Variants in ADGRL3 observed in about 807,000 individuals in gnomAD.
The protein encoded by ADGRL3 is calcium-independent alpha-latrotoxin receptor 3.
In ADGRL3, 62 loss-of-function variants were observed where a neutral mutation model predicts 153.5. The ratio of observed to expected loss-of-function variants is 0.40; its 90% CI spans 0.33 to 0.50. The LOEUF (loss-of-function observed/expected upper bound fraction) is 0.50, where lower values mean the gene tolerates loss of function less well. Among genes scored for constraint, ADGRL3 ranks in the 20% least tolerant of loss-of-function variants. ADGRL3 has a pLI of 0.47. For missense variants in ADGRL3, 1,641 were observed against 1,859.4 expected, an observed-to-expected ratio of 0.88 and a Z score of 2.16; for synonymous variants, 710 against 672.5, an observed-to-expected ratio of 1.06 and a Z score of -0.86.
Position 61,922,693 on chromosome 4 carries a change from G to A in ADGRL3, c.2112+9936G>A, listed in dbSNP as rs114950555. 5.5e-3 allele frequency among the ~76,000 whole-genome samples: 843 copies of A among 152,200 alleles called. 5 individuals are homozygous for A. Among genetic ancestry groups the A allele is most frequent in the African/African-American group, 0.017 (722 of 41,522 alleles). ...TAAACACATATACTTTAAGAAAAGC[G>A]TAGATTTATTCATTCATTCAATCAG... is the stretch of plus-strand genomic sequence containing the variant. On this transcript the variant is annotated intron_variant, in intron 13 of 26. Coordinates refer to ENST00000683033, the MANE Select transcript of ADGRL3 (RefSeq NM_001387552.1).
At chr4:61,411,414 A>G (rs1009589523) in intron 2 of ADGRL3, among the ~76,000 whole-genome samples, 13 of 152,192 alleles carry the variant, frequency 8.5e-5, no homozygotes, top group Non-Finnish European at 1.6e-4. Flanking sequence ...AGTGCATCAT[A>G]TCAGGAGGCA....
intron 1 of ADGRL3, among the ~76,000 whole-genome samples, chr4:61,210,420 G>T (rs980857058): frequency 1.3e-5 from 2 of 152,082 alleles, no homozygotes; most frequent in Non-Finnish European, 2.9e-5. Flanking sequence ...ATAGAGGAGA[G>T]ACTCAAGCCC....
At chr4:61,435,322 A>G (rs1331672618) in intron 2 of ADGRL3, among the ~76,000 whole-genome samples, 1 of 152,120 alleles carries the variant, frequency 6.6e-6, no homozygotes, top group Admixed American at 6.5e-5. Context: ...AAAGGAGTTC[A>G]TGATCATTAC....
intron 2 of ADGRL3, among the ~76,000 whole-genome samples, chr4:61,494,815 T>A (rs1203224528): frequency 6.6e-6 from 1 of 152,150 alleles, no homozygotes; most frequent in Non-Finnish European, 1.5e-5. Context: ...CCATATTTAG[T>A]ACTGTAGGAG....
chr4:61,746,004 T>C (rs1340725174), intron 8 of ADGRL3, among the ~76,000 whole-genome samples: 2 of 151,956 alleles, frequency 1.3e-5, no homozygotes, highest in African/African-American at 4.8e-5. Flanking sequence ...AATAAAAGGA[T>C]GGAGGAAGAT....
At chr4:61,742,053 GTGT>G (rs1380814878) in intron 8 of ADGRL3, among the ~76,000 whole-genome samples, 1 of 152,190 alleles carries the variant, frequency 6.6e-6, no homozygotes, top group African/African-American at 2.4e-5. Context: ...AACTGGAATA[GTGT>G]TGTTGCTCTT....
At chr4:61,896,776 C>T (rs2098634106) in intron 11 of ADGRL3, among the ~76,000 whole-genome samples, 1 of 152,122 alleles carries the variant, frequency 6.6e-6, no homozygotes, top group Non-Finnish European at 1.5e-5. Flanking sequence ...GATGCTTCTC[C>T]AGTTTCAGCA....
chr4:61,247,662 C>T (rs1560382313), intron 1 of ADGRL3, among the ~76,000 whole-genome samples: 2 of 151,952 alleles, frequency 1.3e-5, no homozygotes, highest in Admixed American at 6.6e-5. Context: ...CTTGTGATAG[C>T]ATTTACATTC....
At chr4:61,998,865 C>G (rs937899739) in intron 21 of ADGRL3, among the ~76,000 whole-genome samples, 3 of 152,140 alleles carry the variant, frequency 2.0e-5, no homozygotes, top group Non-Finnish European at 4.4e-5. Context: ...GCACGAGCCA[C>G]CGCACCTGGC....
At chr4:61,892,567 A>T in intron 9 of ADGRL3, 89 bp from the exon 10 acceptor site, 1 of 955,096 alleles carries the variant, frequency 1.0e-6, no homozygotes, top group Non-Finnish European at 1.6e-6. Context: ...TTGAACTGTC[A>T]AATAAAAACA....
At chr4:61,320,124 C>T (rs2095324204) in intron 1 of ADGRL3, among the ~76,000 whole-genome samples, 1 of 152,078 alleles carries the variant, frequency 6.6e-6, no homozygotes, top group Non-Finnish European at 1.5e-5. Flanking sequence ...GGAAAGATAC[C>T]CCTCTTCTGG....
chr4:61,334,665 T>A (rs2095641162), intron 1 of ADGRL3, among the ~76,000 whole-genome samples: 1 of 152,100 alleles, frequency 6.6e-6, no homozygotes, highest in African/African-American at 2.4e-5. Flanking sequence ...TGTCTCCAAT[T>A]GGGTTTTACT....
Position 61,709,422 on chromosome 4 carries a change from C to G in ADGRL3, c.584-21200C>G, listed in dbSNP as rs1273945304. Among the ~76,000 whole-genome samples the G allele has an allele frequency of 7.4e-4, 113 of 152,200 alleles. 1 individual carries two copies. Among genetic ancestry groups the G allele is most frequent in the Admixed American group, 2.2e-3 (33 of 15,272 alleles). On this transcript the variant is annotated intron_variant, in intron 6 of 26. Coordinates refer to ENST00000683033, the MANE Select transcript of ADGRL3 (RefSeq NM_001387552.1). ...TCCTGTTTTATGTTTACCATTGATC[C>G]TTCAGTCATGTTAATCATTTTGCAT...
chr4:61,700,552 A>G (rs959768698), intron 6 of ADGRL3, among the ~76,000 whole-genome samples: 1 of 152,200 alleles, frequency 6.6e-6, no homozygotes. Flanking sequence ...AAGTAATCCA[A>G]CTGAGCTAAG....
rs144433827 is a variant in ADGRL3 at position 62,013,893 on chromosome 4, A to C, written c.3396-14962A>C. 2.2e-4 allele frequency among the ~76,000 whole-genome samples: 30 copies of C among 133,848 alleles called. 1 individual carries two copies. The East Asian group carries it at 6.5e-3, about 29-fold the overall frequency. 87.8% of individuals were successfully genotyped at this position (133,848 alleles called of 152,430 possible). A position where few individuals can be genotyped will look rare whatever the true frequency, so the allele number is the denominator to read the frequency against. ...CAGAGTGAGATTCTGTCTCAAAAAA[A>C]AAAAATTTTTTTTTTGTTTGTTTGT... On this transcript the variant is annotated intron_variant, in intron 21 of 26. Transcript: ENST00000683033.
At chr4:62,049,419 G>T (rs1182457355) in intron 25 of ADGRL3, among the ~76,000 whole-genome samples, 2 of 152,130 alleles carry the variant, frequency 1.3e-5, no homozygotes, top group African/African-American at 2.4e-5. Flanking sequence ...GATCTGACTA[G>T]TAAGGGTATA....
Position 61,806,011 on chromosome 4 carries a change from G to T in ADGRL3, c.1400-7798G>T, listed in dbSNP as rs183421090. ...GAATTTCAATGTTTCTCTTTTTTAT[G>T]ATTTGTAATGTAGCAATTTTAACAT... is the stretch of plus-strand genomic sequence containing the variant. On this transcript the variant is annotated intron_variant, in intron 8 of 26. Coordinates refer to ENST00000683033, the MANE Select transcript of ADGRL3 (RefSeq NM_001387552.1). Among the ~76,000 whole-genome samples the T allele has an allele frequency of 2.5e-3, 375 of 152,162 alleles. 1 individual carries two copies. Among genetic ancestry groups the T allele is most frequent in the Non-Finnish European group, 4.1e-3 (277 of 67,978 alleles).
intron 2 of ADGRL3, among the ~76,000 whole-genome samples, chr4:61,401,605 C>T (rs1479034512): frequency 2.6e-5 from 4 of 151,870 alleles, no homozygotes; most frequent in African/African-American, 7.2e-5. Flanking sequence ...AGTTTATTAT[C>T]ATCTAAGTTG....
At chr4:61,840,188 T>C (rs1329107025) in intron 9 of ADGRL3, among the ~76,000 whole-genome samples, 1 of 152,152 alleles carries the variant, frequency 6.6e-6, no homozygotes, top group Non-Finnish European at 1.5e-5. Flanking sequence ...CAAGCCATTC[T>C]CCTGCCTCTG....
Sources: gnomAD v4.1 joint callset for allele counts (sites outside exome capture counted in the v4.1 genomes callset) on GRCh38, gnomAD v4.1.1 for gene constraint, MANE v1.5 for transcripts, NCBI Gene and HGNC (gene_info 2026-07-23, HGNC 2026-07-21) for gene names.